The following TAS2R39 variants were observed in gnomAD, a reference collection of about 807,000 sequenced individuals.
The protein encoded by TAS2R39 is taste 2 receptor member 39.
TAS2R39 carries 22 observed loss-of-function variants against 20.5 expected under a neutral mutation model. That is an observed-to-expected ratio of 1.08 (90% CI 0.77 to 1.54). TAS2R39 has a LOEUF of 1.54. Ranked by LOEUF, TAS2R39 falls within the 40% of genes most tolerant of loss-of-function variation. The probability of loss-of-function intolerance (pLI) is 0.00; values close to 1 mark genes in which losing one functional copy is unlikely to be tolerated. For synonymous variants in TAS2R39, 128 were observed against 147.7 expected (o/e 0.87, Z 0.97); for missense variants, 362 against 398.6 (o/e 0.91, Z 0.78).
rs1017548469 is a variant in TAS2R39 at position 143,183,910 on chromosome 7, G to A, written c.492G>A (p.Leu164=). ...ITGLIPWLLW[L]SVFISFSHSM... ...GATTGATACCCTGGCTTCTGTGGCTGTCCGTGTTTATTTCCTTCAGTCACA... is the reference window on the plus strand; with the variant it reads ...GATTGATACCCTGGCTTCTGTGGCTATCCGTGTTTATTTCCTTCAGTCACA... The change falls in exon 1 of 1, where the codon CTG becomes CTA. Residue 164 remains leucine, a synonymous_variant. Coordinates refer to ENST00000446620, the MANE Select transcript of TAS2R39 (RefSeq NM_176881.2). 3 of 1,613,332 alleles carry A rather than the reference G, an allele frequency of 1.9e-6. No individual in the cohort carries two copies. Among genetic ancestry groups the A allele is most frequent in the Non-Finnish European group, 2.5e-6 (3 of 1,179,584 alleles).
Position 143,184,090 on chromosome 7 carries a change from C to T in TAS2R39, c.672C>T (p.Phe224=). Residue 224 remains phenylalanine (F), a synonymous_variant, in exon 1 of 1, where the codon TTC becomes TTT. Coordinates refer to ENST00000446620, the MANE Select transcript of TAS2R39 (RefSeq NM_176881.2). ...GGATTGTGACTCCTCTGATCATGTT[C>T]ATCCTGACAGCCACCCTGCTGATCC... The part of the protein sequence containing the change: ...NLGIVTPLIM[F]ILTATLLILS... 1.2e-6 allele frequency: 2 copies of T among 1,613,568 alleles called. No homozygotes were observed. The highest frequency in any genetic ancestry group is 2.2e-5 in the East Asian group (1 of 44,890).
At position 143,184,089 on chromosome 7, in the gene TAS2R39, T is replaced by G; in HGVS notation, c.671T>G (p.Phe224Cys). The G allele has an allele frequency of 6.2e-7, 1 of 1,613,736 alleles. No individual in the cohort carries two copies. The highest frequency in any genetic ancestry group is 8.5e-7 in the Non-Finnish European group (1 of 1,179,756). Residue 224 changes from phenylalanine (F) to cysteine (C), a missense_variant, in exon 1 of 1, where the codon TTC (phenylalanine) becomes TGC (cysteine). Transcript: ENST00000446620. Reference protein sequence around the residue: ...NLGIVTPLIMFILTATLLILS... With the variant: ...NLGIVTPLIMCILTATLLILS... ...GGGATTGTGACTCCTCTGATCATGT[T>G]CATCCTGACAGCCACCCTGCTGATC...
rs1454096204 is a variant in TAS2R39 at position 143,183,878 on chromosome 7, A to G, written c.460A>G (p.Ile154Val). The G allele has an allele frequency of 6.2e-7, 1 of 1,613,480 alleles. No individual in the cohort carries two copies. Among genetic ancestry groups the G allele is most frequent in the Admixed American group, 1.7e-5 (1 of 59,994 alleles). Reference protein sequence around the residue: ...YPLFLKLRWRITGLIPWLLWL... With the variant: ...YPLFLKLRWRVTGLIPWLLWL... ...CCTTTTCCTCAAACTGAGGTGGAGA[A>G]TTACTGGATTGATACCCTGGCTTCT... The change falls in exon 1 of 1, where the codon ATT becomes GTT. Residue 154 changes from isoleucine to valine, a missense_variant. Physicochemically the swap from Ile to Val is conservative, Grantham distance 29. Transcript: ENST00000446620.
chr7:143,183,583 C>A lies in TAS2R39; in HGVS notation c.165C>A (p.Ile55=), dbSNP rs1385631861. ...YLIGIIANGF[I]MAIHAAEWVQ... ...TTGGTATCATTGCAAATGGTTTCAT[C>A]ATGGCTATACATGCAGCTGAATGGG... is the stretch of plus-strand genomic sequence containing the variant. The change falls in exon 1 of 1, where the codon ATC becomes ATA. Residue 55 remains isoleucine (I), a synonymous_variant. Coordinates refer to ENST00000446620, the MANE Select transcript of TAS2R39 (RefSeq NM_176881.2). 6.2e-7 allele frequency: 1 copy of A among 1,613,512 alleles called. No homozygotes were observed.
In TAS2R39 at chr7:143,183,652, C is replaced by T; in HGVS notation, c.234C>T (p.Phe78=). 1.2e-6 allele frequency: 2 copies of T among 1,613,534 alleles called. No individual in the cohort carries two copies. Among genetic ancestry groups the T allele is most frequent in the East Asian group, 2.2e-5 (1 of 44,884 alleles). The change falls in exon 1 of 1, where the codon TTC becomes TTT. Residue 78 remains phenylalanine (F), a synonymous_variant. Transcript: ENST00000446620. ...CCACAAGTGGCAGGATCCTGGTTTTCCTGAGTGTATCCAGAATAGCTCTCC... is the reference window on the plus strand; with the variant it reads ...CCACAAGTGGCAGGATCCTGGTTTTTCTGAGTGTATCCAGAATAGCTCTCC... ...AVSTSGRILV[F]LSVSRIALQS... is the part of the protein sequence containing the mutation.
Position 143,183,569 on chromosome 7 carries a change from G to C in TAS2R39, c.151G>C (p.Ala51Pro). The part of the protein sequence containing the change: ...LLAEYLIGII[A>P]NGFIMAIHAA... ...TGCTGAATACCTCATTGGTATCATT[G>C]CAAATGGTTTCATCATGGCTATACA... The change falls in exon 1 of 1, where the codon GCA (alanine) becomes CCA (proline). Residue 51 changes from alanine to proline, a missense_variant. By Grantham distance (27) the Ala-to-Pro change is conservative. Transcript: ENST00000446620. 1 of 1,613,420 alleles carries C rather than the reference G, an allele frequency of 6.2e-7. No homozygotes were observed. Among genetic ancestry groups the C allele is most frequent in the Non-Finnish European group, 8.5e-7 (1 of 1,179,578 alleles).
chr7:143,183,695 G>T, the TAS2R39 span: 5 of 1,613,448 alleles, frequency 3.1e-6, no homozygotes, highest in Non-Finnish European at 1.7e-6. Flanking sequence ...CATGATGTTA[G>T]AAATTACCAT....
rs746973237 is a variant in TAS2R39, at chr7:143,183,849, A to G, written c.431A>G (p.Tyr144Cys). 1 of 1,613,062 alleles carries G rather than the reference A, an allele frequency of 6.2e-7. No individual in the cohort carries two copies. Among genetic ancestry groups the G allele is most frequent in the Admixed American group, 1.7e-5 (1 of 59,958 alleles). ...TTTGTGAAGATTGCCAATTTCTCCT[A>G]CCCCCTTTTCCTCAAACTGAGGTGG... The part of the protein sequence containing the change: ...FYFVKIANFS[Y>C]PLFLKLRWRI... Residue 144 changes from tyrosine to cysteine, a missense_variant, in exon 1 of 1, where the codon TAC becomes TGC. Coordinates refer to ENST00000446620, the MANE Select transcript of TAS2R39 (RefSeq NM_176881.2).
Position 143,183,657 on chromosome 7 carries a change from G to A in TAS2R39, c.239G>A (p.Ser80Asn). The change falls in exon 1 of 1, where the codon AGT becomes AAT. Residue 80 changes from serine (S) to asparagine (N), a missense_variant. By Grantham distance (46) the Ser-to-Asn change is conservative (BLOSUM62 1). Coordinates refer to ENST00000446620, the MANE Select transcript of TAS2R39 (RefSeq NM_176881.2). ...AGTGGCAGGATCCTGGTTTTCCTGA[G>A]TGTATCCAGAATAGCTCTCCAAAGC... ...STSGRILVFL[S>N]VSRIALQSLM... 2 of 1,613,534 alleles carry A rather than the reference G, an allele frequency of 1.2e-6. No homozygotes were observed. The highest frequency in any genetic ancestry group is 1.7e-6 in the Non-Finnish European group (2 of 1,179,594).
the TAS2R39 span, chr7:143,184,123 CAA>C: frequency 6.2e-7 from 1 of 1,613,628 alleles, no homozygotes; most frequent in African/African-American, 1.3e-5. Context: ...TCCTCTCTCT[CAA>C]GAGACACACC....
the TAS2R39 span, chr7:143,183,684 TC>T: frequency 3.7e-6 from 6 of 1,613,430 alleles, no homozygotes; most frequent in African/African-American, 8.0e-5. Context: ...CTCCAAAGCC[TC>T]ATGATGTTAG....
rs1182490420 is a variant in TAS2R39 at position 143,183,936 on chromosome 7, G to C, written c.518G>C (p.Ser173Thr). The change falls in exon 1 of 1, where the codon AGC (serine) becomes ACC (threonine). Residue 173 changes from serine (S) to threonine (T), a missense_variant. Ser to Thr is a moderately conservative substitution (Grantham distance 58). Coordinates refer to ENST00000446620, the MANE Select transcript of TAS2R39 (RefSeq NM_176881.2). ...WLSVFISFSH[S>T]MFCINICTVY... ...TCCGTGTTTATTTCCTTCAGTCACAGCATGTTCTGCATCAACATCTGCACT... is the reference window on the plus strand; with the variant it reads ...TCCGTGTTTATTTCCTTCAGTCACACCATGTTCTGCATCAACATCTGCACT... The C allele has an allele frequency of 6.2e-7, 1 of 1,613,322 alleles. No individual in the cohort carries two copies. The highest frequency in any genetic ancestry group is 1.3e-5 in the African/African-American group (1 of 74,844).
chr7:143,184,268 A>G lies in TAS2R39; in HGVS notation c.850A>G (p.Asn284Asp). 1 of 1,613,770 alleles carries G rather than the reference A, an allele frequency of 6.2e-7. No individual in the cohort carries two copies. The highest frequency in any genetic ancestry group is 8.5e-7 in the Non-Finnish European group (1 of 1,179,766). ...AGTTGCTCTGTTTATCTACCTGTCC[A>G]ACATGTTTGACATCAACAGTCTGTG... is the stretch of plus-strand genomic sequence containing the variant. ...NAVALFIYLS[N>D]MFDINSLWNN... The change falls in exon 1 of 1, where the codon AAC becomes GAC. Residue 284 changes from asparagine (N) to aspartate (D), a missense_variant. Transcript: ENST00000446620.
chr7:143,184,384 G>C lies in TAS2R39; in HGVS notation c.966G>C (p.Trp322Cys). 2 of 1,612,984 alleles carry C rather than the reference G, an allele frequency of 1.2e-6. No individual in the cohort carries two copies. Among genetic ancestry groups the C allele is most frequent in the Non-Finnish European group, 1.7e-6 (2 of 1,179,376 alleles). The change falls in exon 1 of 1, where the codon TGG becomes TGC. Residue 322 changes from tryptophan to cysteine, a missense_variant. Coordinates refer to ENST00000446620, the MANE Select transcript of TAS2R39 (RefSeq NM_176881.2). ...ATAACCCTGGGCTGAGAAGAGCCTG[G>C]AAGCGGCTTCAGCTTCGACTTCATC... ...IQDNPGLRRA[W>C]KRLQLRLHLY... is the part of the protein sequence containing the mutation.
rs771428644 is a variant in TAS2R39 at position 143,184,063 on chromosome 7, G to A, written c.645G>A (p.Leu215=). 6.2e-7 allele frequency: 1 copy of A among 1,613,586 alleles called. No homozygotes were observed. The highest frequency in any genetic ancestry group is 1.1e-5 in the South Asian group (1 of 91,070). The change falls in exon 1 of 1, where the codon CTG becomes CTA. Residue 215 remains leucine, a synonymous_variant. Transcript: ENST00000446620. The part of the protein sequence containing the change: ...NVVGLAFFFN[L]GIVTPLIMFI... ...TCGGTCTGGCTTTTTTCTTTAACCTGGGGATTGTGACTCCTCTGATCATGT... is the reference window on the plus strand; with the variant it reads ...TCGGTCTGGCTTTTTTCTTTAACCTAGGGATTGTGACTCCTCTGATCATGT...
Position 143,184,325 on chromosome 7 carries a change from T to A in TAS2R39, c.907T>A (p.Tyr303Asn). Residue 303 changes from tyrosine (Y) to asparagine (N), a missense_variant, in exon 1 of 1, where the codon TAC (tyrosine) becomes AAC (asparagine). Physicochemically the swap from Tyr to Asn is moderately radical, Grantham distance 143. Coordinates refer to ENST00000446620, the MANE Select transcript of TAS2R39 (RefSeq NM_176881.2). ...TTTGTGCCAGATCATCATGGCTGCC[T>A]ACCCTGCCAGCCACTCAATTCTACT... ...NNLCQIIMAA[Y>N]PASHSILLIQ... 2 of 1,613,488 alleles carry A rather than the reference T, an allele frequency of 1.2e-6. No homozygotes were observed. The highest frequency in any genetic ancestry group is 1.7e-6 in the Non-Finnish European group (2 of 1,179,552).
At position 143,183,431 on chromosome 7, in the gene TAS2R39, T is replaced by C; in HGVS notation, c.13T>C (p.Cys5Arg). Residue 5 changes from cysteine to arginine, a missense_variant, in exon 1 of 1, where the codon TGT becomes CGT. By Grantham distance (180) the Cys-to-Arg change is radical. Transcript: ENST00000446620. ...GTCTGCCCATCAAATGCTAGGGAGA[T>C]GTTTTCCTCCAGACACCAAAGAGAA... MLGRCFPPDTKEKQQ... is the reference protein window; with the variant it reads MLGRRFPPDTKEKQQ... The C allele has an allele frequency of 6.2e-7, 1 of 1,611,604 alleles. No individual in the cohort carries two copies. Among genetic ancestry groups the C allele is most frequent in the African/African-American group, 1.3e-5 (1 of 74,984 alleles).
In TAS2R39 at chr7:143,184,244, G is replaced by A. The variant is rs780669229; in HGVS notation, c.826G>A (p.Val276Ile). The A allele has an allele frequency of 1.2e-6, 2 of 1,613,590 alleles. No homozygotes were observed. The highest frequency in any genetic ancestry group is 2.2e-5 in the East Asian group (1 of 44,892). ...YFLILYIFNAVALFIYLSNMF... is the reference protein window; with the variant it reads ...YFLILYIFNAIALFIYLSNMF... Reference sequence around the variant, plus strand: ...TCTCATTCTCTACATTTTCAATGCAGTTGCTCTGTTTATCTACCTGTCCAA... The same window carrying A: ...TCTCATTCTCTACATTTTCAATGCAATTGCTCTGTTTATCTACCTGTCCAA... Residue 276 changes from valine to isoleucine, a missense_variant, in exon 1 of 1, where the codon GTT (valine) becomes ATT (isoleucine). Transcript: ENST00000446620.
At position 143,184,227 on chromosome 7, in the gene TAS2R39, T is replaced by C. The variant is rs758168161; in HGVS notation, c.809T>C (p.Leu270Pro). The C allele has an allele frequency of 6.2e-7, 1 of 1,613,658 alleles. No homozygotes were observed. ...AAAGCTATCAGCTACTTTCTCATTC[T>C]CTACATTTTCAATGCAGTTGCTCTG... The part of the protein sequence containing the change: ...AIKAISYFLI[L>P]YIFNAVALFI... The change falls in exon 1 of 1, where the codon CTC becomes CCC. Residue 270 changes from leucine to proline, a missense_variant. Physicochemically the swap from Leu to Pro is moderately conservative, Grantham distance 98. Transcript: ENST00000446620.
Sources: gnomAD v4.1 joint callset for allele counts on GRCh38, gnomAD v4.1.1 for gene constraint, MANE v1.5 for transcripts, NCBI Gene and HGNC (gene_info 2026-07-23, HGNC 2026-07-21) for gene names.